Variants in RAB10 observed in about 807,000 individuals in gnomAD.
The protein encoded by RAB10 is RAB10, member RAS oncogene family, also known as ras-related protein Rab-10.
Under a neutral mutation model 25.7 loss-of-function variants are expected in RAB10, and 5 were observed. The observed-to-expected ratio is 0.19, with a 90% CI of 0.10 to 0.41. The LOEUF (loss-of-function observed/expected upper bound fraction) is 0.41. Ranked by LOEUF, RAB10 falls within the 10% of genes least tolerant of loss-of-function variation. The pLI is 1.00. For synonymous variants in RAB10, 89 were observed against 86.4 expected (o/e 1.03, Z -0.16); for missense variants, 103 against 245.8 (o/e 0.42, Z 3.89).
chr2:26,078,166 A>G (rs1373683399), intron 1 of RAB10, among the ~76,000 whole-genome samples: 1 of 152,200 alleles, frequency 6.6e-6, no homozygotes, highest in African/African-American at 2.4e-5. Context: ...GCATTGTTGA[A>G]GGAAATTTTA....
chr2:26,093,735 G>C (rs149937751), intron 1 of RAB10, among the ~76,000 whole-genome samples: 107 of 152,296 alleles, frequency 7.0e-4, no homozygotes, highest in African/African-American at 2.4e-3. Flanking sequence ...TGAAGACTTT[G>C]ATACTAAGAG....
chr2:26,086,627 A>C (rs975887007), intron 1 of RAB10, among the ~76,000 whole-genome samples: 7 of 152,222 alleles, frequency 4.6e-5, no homozygotes, highest in African/African-American at 1.7e-4. Context: ...CAGATACTCA[A>C]ATACATGTAT....
chr2:26,119,524 CT>C (rs113908052), intron 3 of RAB10, among the ~76,000 whole-genome samples: 47 of 145,094 alleles, frequency 3.2e-4, no homozygotes, highest in Non-Finnish European at 2.4e-4. Flanking sequence ...CTTAGCTTTG[CT>C]TTTTTTTTTT....
At chr2:26,056,630 ATTAT>A (rs748627518) in intron 1 of RAB10, among the ~76,000 whole-genome samples, 3 of 152,052 alleles carry the variant, frequency 2.0e-5, no homozygotes, top group Non-Finnish European at 4.4e-5. Context: ...TATTCCCTAA[ATTAT>A]TTATTTTTCT....
chr2:26,040,667 A>G (rs1665864628), intron 1 of RAB10, among the ~76,000 whole-genome samples: 1 of 152,114 alleles, frequency 6.6e-6, no homozygotes, highest in South Asian at 2.1e-4. Context: ...GATAAAACAA[A>G]AACAGAAAAC....
intron 1 of RAB10, among the ~76,000 whole-genome samples, chr2:26,077,608 T>C (rs1559586386): frequency 6.6e-6 from 1 of 152,244 alleles, no homozygotes; most frequent in African/African-American, 2.4e-5. Flanking sequence ...GAATGACTTT[T>C]GTTTTAATTT....
At chr2:26,038,538 C>T (rs10175860) in intron 1 of RAB10, among the ~76,000 whole-genome samples, 4,293 of 152,134 alleles carry the variant, frequency 0.028, 209 homozygotes, top group African/African-American at 0.099. Context: ...AATGTTTTCA[C>T]ATATAAGATG....
At chr2:26,129,218 C>T (rs945403532) in intron 5 of RAB10, among the ~76,000 whole-genome samples, 2 of 145,314 alleles carry the variant, frequency 1.4e-5, no homozygotes, top group Admixed American at 7.0e-5. Context: ...TGCAGTGAGC[C>T]GAGATCACGC....
intron 1 of RAB10, among the ~76,000 whole-genome samples, chr2:26,084,444 C>T (rs888864370): frequency 4.6e-5 from 7 of 152,166 alleles, no homozygotes; most frequent in South Asian, 2.1e-4. Flanking sequence ...TGAATGATAT[C>T]GCAATAATGA....
intron 1 of RAB10, among the ~76,000 whole-genome samples, chr2:26,066,710 T>G (rs1479850568): frequency 1.3e-5 from 2 of 151,830 alleles, no homozygotes; most frequent in South Asian, 4.1e-4. Context: ...CCCATGACAC[T>G]TGGGGATTAT....
rs569220380 is a variant in RAB10, at chr2:26,069,756, A to G, written c.128-28906A>G. 7.4e-5 allele frequency among the ~76,000 whole-genome samples: 11 copies of G among 149,474 alleles called. No individual in the cohort carries two copies. The South Asian group carries it at 2.4e-3, about 32-fold the overall frequency. ...GGTCTCACTCTGTTGCCCCGGCTGG[A>G]GAGCAGTGGCATGATCTCATCTCAC... is the stretch of plus-strand genomic sequence containing the variant. On this transcript the variant is annotated intron_variant, in intron 1 of 5. Coordinates refer to ENST00000264710, the MANE Select transcript of RAB10 (RefSeq NM_016131.5).
intron 2 of RAB10, 105 bp downstream of exon 2, chr2:26,098,827 T>C: frequency 5.1e-6 from 5 of 975,214 alleles, no homozygotes; most frequent in Non-Finnish European, 7.5e-6. Flanking sequence ...GACTTTTGTT[T>C]TTAAAGCAGG....
intron 1 of RAB10, among the ~76,000 whole-genome samples, chr2:26,047,625 C>T (rs563566159): frequency 7.3e-4 from 110 of 151,610 alleles, no homozygotes; most frequent in Admixed American, 1.7e-3. Flanking sequence ...CTACATTGGC[C>T]GGGCTGGTCT....
At chr2:26,103,830 A>G (rs1431083165) in intron 2 of RAB10, among the ~76,000 whole-genome samples, 1 of 152,158 alleles carries the variant, frequency 6.6e-6, no homozygotes, top group Non-Finnish European at 1.5e-5. Context: ...ATGGAATCAT[A>G]TAATATATGG....
At chr2:26,052,078 C>A (rs1215902319) in intron 1 of RAB10, among the ~76,000 whole-genome samples, 4 of 148,848 alleles carry the variant, frequency 2.7e-5, no homozygotes. Flanking sequence ...AACAAAAAGT[C>A]ATTAAAAAGA....
chr2:26,051,005 A>G (rs1250032926), intron 1 of RAB10, among the ~76,000 whole-genome samples: 2 of 151,704 alleles, frequency 1.3e-5, no homozygotes, highest in African/African-American at 4.8e-5. Context: ...TGCAGCCTCA[A>G]CCTCCCGGGC....
In RAB10 at chr2:26,129,001, G is replaced by C. The variant is rs140762430; in HGVS notation, c.519+1050G>C. Among the ~76,000 whole-genome samples the C allele has an allele frequency of 1.6e-3, 250 of 152,208 alleles. 1 individual carries two copies. In the Middle Eastern group the frequency reaches 0.027, roughly 17 times the overall value. On this transcript the variant is annotated intron_variant, in intron 5 of 5. Transcript: ENST00000264710. ...AATCTGACATACATTGGCCAGGCGC[G>C]GTGGCTCACGTCTATAATCCCAGCA...
rs1438312468 is a variant in RAB10, at chr2:26,034,583, G to A, written c.-26G>A. On this transcript the variant is annotated 5_prime_UTR_variant, in exon 1 of 6. Transcript: ENST00000264710. ...GGACCGATCCCTTGGGGCCGCCGGC[G>A]GCGAGAGCCCGAGCCGCTCCTCCCA... 16 of 1,612,308 alleles carry A rather than the reference G, an allele frequency of 9.9e-6. No individual in the cohort carries two copies. Among genetic ancestry groups the A allele is most frequent in the Non-Finnish European group, 1.4e-5 (16 of 1,179,936 alleles).
At chr2:26,057,954 T>C (rs183972588) in intron 1 of RAB10, among the ~76,000 whole-genome samples, 3 of 152,276 alleles carry the variant, frequency 2.0e-5, no homozygotes, top group African/African-American at 7.2e-5. Flanking sequence ...TCTCTGAACT[T>C]CTCTTTTAGA....
Sources: gnomAD v4.1 joint callset for allele counts (sites outside exome capture counted in the v4.1 genomes callset) on GRCh38, gnomAD v4.1.1 for gene constraint, MANE v1.5 for transcripts, NCBI Gene and HGNC (gene_info 2026-07-23, HGNC 2026-07-21) for gene names.